Variants in AKAP12 observed in about 807,000 individuals in gnomAD.
The protein encoded by AKAP12 is A-kinase anchoring protein 12.
Under a neutral mutation model 79.9 loss-of-function variants are expected in AKAP12, and 32 were observed. The observed-to-expected ratio is 0.40, with a 90% CI of 0.30 to 0.54. AKAP12 has a LOEUF of 0.54. Ranked by LOEUF, AKAP12 falls within the 20% of genes least tolerant of loss-of-function variation. The pLI is 0.48. For synonymous variants in AKAP12, 808 were observed against 857.0 expected (o/e 0.94, Z 1.00); for missense variants, 2,074 against 2,177.0 (o/e 0.95, Z 0.94).
rs781740472 is a variant in AKAP12, at chr6:151,351,929, T to A, written c.3538T>A (p.Phe1180Ile). The change falls in exon 4 of 5, where the codon TTT becomes ATT. Residue 1180 changes from phenylalanine (F) to isoleucine (I), a missense_variant. Transcript: ENST00000402676. This position sits in a 1 kb window ranked among gnomAD's most constrained non-coding sequence, Gnocchi z 4.4. Reference protein sequence around the residue: ...ETDGSTPVADFDAPGTTQKDE... With the variant: ...ETDGSTPVADIDAPGTTQKDE... ...TGATGGAAGCACCCCCGTAGCCGAC[T>A]TTGACGCACCAGGCACAACCCAGAA... 2 of 1,614,088 alleles carry A rather than the reference T, an allele frequency of 1.2e-6. No individual in the cohort carries two copies. The highest frequency in any genetic ancestry group is 1.7e-6 in the Non-Finnish European group (2 of 1,180,008).
At chr6:151,287,710 C>G (rs1314635922) in intron 2 of AKAP12, among the ~76,000 whole-genome samples, 5 of 152,194 alleles carry the variant, frequency 3.3e-5, no homozygotes, top group African/African-American at 9.7e-5. Context: ...AATCCTGTTA[C>G]TGGGTATATA....
At chr6:151,309,357 C>G (rs771877762) in intron 3 of AKAP12, among the ~76,000 whole-genome samples, 1 of 152,172 alleles carries the variant, frequency 6.6e-6, no homozygotes. Flanking sequence ...CCTGGGAGGA[C>G]TGGCCCACAG....
intron 2 of AKAP12, among the ~76,000 whole-genome samples, chr6:151,295,103 G>C (rs779305301): frequency 1.3e-5 from 2 of 152,196 alleles, no homozygotes; most frequent in African/African-American, 4.8e-5. Flanking sequence ...CATGCTCTCA[G>C]AGACCGGTTT....
intron 2 of AKAP12, among the ~76,000 whole-genome samples, chr6:151,268,945 GTTTTTTTTTTTTTTTTT>G (rs558502756): frequency 0.04 from 3,137 of 77,622 alleles, 205 homozygotes; most frequent in African/African-American, 0.15. Context: ...TGCTCGGCCT[GTTTTTTTTTTTTTTTTT>G]TTTTTTTTTT....
At chr6:151,271,370 A>G (rs1168051175) in intron 2 of AKAP12, among the ~76,000 whole-genome samples, 1 of 146,856 alleles carries the variant, frequency 6.8e-6, no homozygotes, top group East Asian at 2.0e-4. Context: ...CGCCCAGGCT[A>G]CAGTAAAATG....
At chr6:151,310,561 CTA>C (rs1408056557) in intron 3 of AKAP12, among the ~76,000 whole-genome samples, 1 of 151,892 alleles carries the variant, frequency 6.6e-6, no homozygotes, top group African/African-American at 2.4e-5. Flanking sequence ...AACCCTGTCT[CTA>C]TATTTTTTTT....
rs569607300 is a variant in AKAP12 at position 151,248,761 on chromosome 6, G to A, written c.162+8037G>A. 3.9e-5 allele frequency among the ~76,000 whole-genome samples: 6 copies of A among 152,106 alleles called. No individual in the cohort carries two copies. The South Asian group carries it at 6.2e-4, about 16-fold the overall frequency. On this transcript the variant is annotated intron_variant, in intron 2 of 4. Coordinates refer to ENST00000402676, the MANE Select transcript of AKAP12 (RefSeq NM_005100.4). ...TCCCAGCACTTTGGGAGGCCGAGGC[G>A]GGCGGATCACGAGGTCAGCAGTTCA...
intron 3 of AKAP12, 33 bp from the exon 4 acceptor site, chr6:151,348,678 T>TGTGGGGGGGG: frequency 2.7e-6 from 1 of 374,896 alleles, no homozygotes. Context: ...CCTTTTCTCT[T>TGTGGGGGGGG]CTCCCCACCC....
chr6:151,352,396 A>G lies in AKAP12; in HGVS notation c.4005A>G (p.Arg1335=), dbSNP rs899420451. Residue 1335 remains arginine (R), a synonymous_variant, in exon 4 of 5, where the codon AGA becomes AGG. Transcript: ENST00000402676. ...HAKSPPSPVE[R]EMVVQVEREK... ...AGTCTCCTCCATCCCCCGTGGAGAGAGAGATGGTAGTTCAAGTCGAAAGGG... is the reference window on the plus strand; with the variant it reads ...AGTCTCCTCCATCCCCCGTGGAGAGGGAGATGGTAGTTCAAGTCGAAAGGG... 1 of 1,613,998 alleles carries G rather than the reference A, an allele frequency of 6.2e-7. No homozygotes were observed. The highest frequency in any genetic ancestry group is 1.3e-5 in the African/African-American group (1 of 74,894).
chr6:151,265,449 A>C (rs1282318316), intron 2 of AKAP12, among the ~76,000 whole-genome samples: 3 of 152,240 alleles, frequency 2.0e-5, no homozygotes, highest in African/African-American at 7.2e-5. Flanking sequence ...AATGGTCCAA[A>C]AATCAGAATG....
intron 3 of AKAP12, among the ~76,000 whole-genome samples, chr6:151,339,847 C>T (rs75063188): frequency 0.026 from 3,931 of 152,244 alleles, 161 homozygotes; most frequent in African/African-American, 0.09. Context: ...TGTGTATCTT[C>T]CTCAGAGCGT....
At chr6:151,341,279 C>A (rs910995235) in intron 3 of AKAP12, among the ~76,000 whole-genome samples, 2 of 152,204 alleles carry the variant, frequency 1.3e-5, no homozygotes, top group African/African-American at 4.8e-5. Context: ...GTCTCTAACT[C>A]CTGATCTCAG....
At chr6:151,253,943 A>G (rs776245293) in intron 2 of AKAP12, among the ~76,000 whole-genome samples, 57 of 152,262 alleles carry the variant, frequency 3.7e-4, no homozygotes, top group Non-Finnish European at 7.6e-4. Flanking sequence ...TCCTGACCTC[A>G]GGTAATCTGC....
At chr6:151,262,262 A>G (rs1582840515) in intron 2 of AKAP12, among the ~76,000 whole-genome samples, 1 of 152,166 alleles carries the variant, frequency 6.6e-6, no homozygotes, top group East Asian at 1.9e-4. Flanking sequence ...GCCCAAAACA[A>G]TGGTTTTTAG....
At chr6:151,274,176 A>G (rs1776248618) in intron 2 of AKAP12, among the ~76,000 whole-genome samples, 1 of 151,938 alleles carries the variant, frequency 6.6e-6, no homozygotes, top group Non-Finnish European at 1.5e-5. Flanking sequence ...GGCTTAGGCA[A>G]TCCTGTCACC....
chr6:151,251,298 A>T (rs1451410183), intron 2 of AKAP12, among the ~76,000 whole-genome samples: 1 of 152,176 alleles, frequency 6.6e-6, no homozygotes, highest in Non-Finnish European at 1.5e-5. Flanking sequence ...TTTCAGAAAT[A>T]CCAGGTGAGT....
chr6:151,312,294 G>C (rs938748670), intron 3 of AKAP12, among the ~76,000 whole-genome samples: 5 of 151,034 alleles, frequency 3.3e-5, no homozygotes, highest in Non-Finnish European at 7.4e-5. Context: ...AGCATAGTGA[G>C]ACCCTTGTCT....
At chr6:151,279,801 T>A (rs9371503) in intron 2 of AKAP12, among the ~76,000 whole-genome samples, 1 of 151,644 alleles carries the variant, frequency 6.6e-6, no homozygotes, top group Non-Finnish European at 1.5e-5. Context: ...AGCTAACGAT[T>A]GCACCACTGC....
intron 2 of AKAP12, among the ~76,000 whole-genome samples, chr6:151,254,294 CT>C (rs1399954298): frequency 6.6e-6 from 1 of 151,928 alleles, no homozygotes; most frequent in African/African-American, 2.4e-5. Flanking sequence ...GATTTATTTT[CT>C]TTGTAAAACC....
Sources: gnomAD v4.1 joint callset for allele counts (sites outside exome capture counted in the v4.1 genomes callset) on GRCh38, gnomAD v4.1.1 for gene constraint, Gnocchi (gnomAD v3.1) non-coding constraint, MANE v1.5 for transcripts, NCBI Gene and HGNC (gene_info 2026-07-23, HGNC 2026-07-21) for gene names.